Variants in HEATR5A observed in about 807,000 individuals in gnomAD.
HEATR5A encodes the protein HEAT repeat containing 5A.
A neutral mutation model predicts 218.8 loss-of-function variants in HEATR5A; 178 were observed. The ratio of observed to expected loss-of-function variants is 0.81; its 90% CI spans 0.72 to 0.92. The LOEUF (loss-of-function observed/expected upper bound fraction) is 0.92, where lower values mean the gene tolerates loss of function less well. Among genes scored for constraint, HEATR5A ranks in the 40% least tolerant of loss-of-function variants. The probability of loss-of-function intolerance (pLI) is 0.00; values close to 1 mark genes in which losing one functional copy is unlikely to be tolerated. For missense variants in HEATR5A, 2,420 were observed against 2,418.9 expected, an observed-to-expected ratio of 1.00 and a Z score of -0.01; for synonymous variants, 864 against 871.6, an observed-to-expected ratio of 0.99 and a Z score of 0.15.
intron 4 of HEATR5A, 28 bp from the exon 5 acceptor site, chr14:31,395,376 G>A: frequency 7.6e-7 from 1 of 1,308,246 alleles, no homozygotes. Flanking sequence ...AATTAAATAG[G>A]AAAAATAATT....
At position 31,294,015 on chromosome 14, in the gene HEATR5A, G is replaced by A; in HGVS notation, c.5709C>T (p.Ser1903=). 6.2e-7 allele frequency: 1 copy of A among 1,604,436 alleles called. No homozygotes were observed. Among genetic ancestry groups the A allele is most frequent in the South Asian group, 1.1e-5 (1 of 89,054 alleles). The change falls in exon 35 of 36, where the codon TCC becomes TCT. Residue 1903 remains serine (S), a synonymous_variant. Transcript: ENST00000543095. ...TTTCCTGCAGTTTTTCCATGATACA[G>A]GATGCTAAAGAGTAAATGTATGGGT... ...VSYPYIYSLA[S]CIMEKLQEID...
At chr14:31,412,411 G>C (rs2139325097) in intron 1 of HEATR5A, among the ~76,000 whole-genome samples, 1 of 151,418 alleles carries the variant, frequency 6.6e-6, no homozygotes, top group South Asian at 2.1e-4. Flanking sequence ...TGGCCAACAT[G>C]GTGAAACCCC....
rs757307999 is a variant in HEATR5A, at chr14:31,389,020, A to G, written c.773-15T>C. 2 of 1,585,358 alleles carry G rather than the reference A, an allele frequency of 1.3e-6. No individual in the cohort carries two copies. The highest frequency in any genetic ancestry group is 2.3e-5 in the East Asian group (1 of 44,208). Reference sequence around the variant, plus strand: ...ACGTGAGGCTGCTATGACAAAGAACAAAACTGTGATTCATATTTTACAGAC... The same window carrying G: ...ACGTGAGGCTGCTATGACAAAGAACGAAACTGTGATTCATATTTTACAGAC... On this transcript the variant is annotated splice_polypyrimidine_tract_variant and intron_variant, in intron 6 of 35. Coordinates refer to ENST00000543095, the MANE Select transcript of HEATR5A (RefSeq NM_015473.4).
At chr14:31,375,089 CCTTT>C (rs1351603032) in intron 11 of HEATR5A, 121 bp from the exon 12 acceptor site, 1 of 793,084 alleles carries the variant, frequency 1.3e-6, no homozygotes, top group South Asian at 2.0e-5. Context: ...CATTTTGTCC[CCTTT>C]CTTATCTTCA....
At chr14:31,407,604 A>ATT (rs1265606928) in intron 1 of HEATR5A, among the ~76,000 whole-genome samples, 3 of 1,424 alleles carry the variant, frequency 2.1e-3, no homozygotes, top group African/African-American at 3.3e-3. Context: ...ATATATATAT[A>ATT]TATATATATA....
At chr14:31,380,127 A>C (rs942459188) in intron 11 of HEATR5A, among the ~76,000 whole-genome samples, 1 of 152,198 alleles carries the variant, frequency 6.6e-6, no homozygotes, top group Non-Finnish European at 1.5e-5. Flanking sequence ...TCTTTTGCCT[A>C]TATTGTGGAA....
chr14:31,308,634 C>T (rs923388217), intron 29 of HEATR5A, among the ~76,000 whole-genome samples: 1 of 151,770 alleles, frequency 6.6e-6, no homozygotes, highest in African/African-American at 2.4e-5. Flanking sequence ...CATAACTTTA[C>T]TTTGGCTAAA....
At position 31,356,522 on chromosome 14, in the gene HEATR5A, C is replaced by T. The variant is rs1901432756; in HGVS notation, c.2411+2115G>A. 2.6e-5 allele frequency among the ~76,000 whole-genome samples: 4 copies of T among 152,326 alleles called. No individual in the cohort carries two copies. The South Asian group carries it at 8.3e-4, about 32-fold the overall frequency. ...AGTGCTTGGTTACAGGTGTAAACTA[C>T]TGTGCCTGGTCACCTACTATTTTTT... On this transcript the variant is annotated intron_variant, in intron 16 of 35. Transcript: ENST00000543095.
chr14:31,297,289 A>AAAAACAAAAC (rs200829859), intron 33 of HEATR5A: 6 of 152,344 alleles, frequency 3.9e-5, no homozygotes, highest in South Asian at 2.1e-4. Flanking sequence ...CCGTCTCAAT[A>AAAAACAAAAC]AAAACAAAAC....
chr14:31,417,114 C>G (rs761275667), intron 1 of HEATR5A, among the ~76,000 whole-genome samples: 1 of 152,018 alleles, frequency 6.6e-6, no homozygotes, highest in African/African-American at 2.4e-5. Flanking sequence ...AGTAAAGGTA[C>G]CTTACTGCTG....
At chr14:31,310,203 C>CT (rs112835073) in intron 28 of HEATR5A, among the ~76,000 whole-genome samples, 7,624 of 151,672 alleles carry the variant, frequency 0.05, 533 homozygotes, top group African/African-American at 0.16. Flanking sequence ...TGTATGTATC[C>CT]TTTTTTTTCT....
Position 31,349,969 on chromosome 14 carries a change from C to A in HEATR5A, c.2528G>T (p.Gly843Val). ...SVSSFLKYVA[G>V]SKGCLGPEEM... ...TTCTGGACCTAAACATCCCTTGGAGCCAGCCACGTACTGAAATATGTAAAG... is the reference window on the plus strand; with the variant it reads ...TTCTGGACCTAAACATCCCTTGGAGACAGCCACGTACTGAAATATGTAAAG... Residue 843 changes from glycine (G) to valine (V), a missense_variant, in exon 18 of 36, where the codon GGC (glycine) becomes GTC (valine). Coordinates refer to ENST00000543095, the MANE Select transcript of HEATR5A (RefSeq NM_015473.4). 1 of 1,575,654 alleles carries A rather than the reference C, an allele frequency of 6.3e-7. No homozygotes were observed.
chr14:31,298,264 C>CT (rs34076980), intron 33 of HEATR5A, among the ~76,000 whole-genome samples: 49,866 of 151,962 alleles, frequency 0.33, 9,418 homozygotes, highest in South Asian at 0.42. Flanking sequence ...TTTTAAGCCA[C>CT]TAAGTTTTGA....
At chr14:31,310,414 C>T (rs938049056) in intron 28 of HEATR5A, among the ~76,000 whole-genome samples, 30 of 152,222 alleles carry the variant, frequency 2.0e-4, no homozygotes, top group Non-Finnish European at 3.8e-4. Flanking sequence ...CTGAGGCAGG[C>T]AGATCACCTG....
chr14:31,405,955 T>G (rs2031045727), intron 1 of HEATR5A, among the ~76,000 whole-genome samples: 1 of 152,210 alleles, frequency 6.6e-6, no homozygotes, highest in African/African-American at 2.4e-5. Context: ...ATTCCTTATG[T>G]AAATTACTCC....
At chr14:31,406,977 C>CAA (rs58202101) in intron 1 of HEATR5A, among the ~76,000 whole-genome samples, 2,243 of 74,604 alleles carry the variant, frequency 0.03, 239 homozygotes, top group Admixed American at 0.12. Flanking sequence ...ACCTCTGTCT[C>CAA]AAAAAAAAAA....
At chr14:31,314,347 G>C (rs1899850117) in intron 27 of HEATR5A, among the ~76,000 whole-genome samples, 1 of 151,878 alleles carries the variant, frequency 6.6e-6, no homozygotes, top group African/African-American at 2.4e-5. Flanking sequence ...CTGCCTCCCG[G>C]GTTCAAGCAA....
In HEATR5A at chr14:31,343,966, G is replaced by A. The variant is rs1455601906; in HGVS notation, c.3158C>T (p.Ser1053Phe). The A allele has an allele frequency of 1.2e-6, 2 of 1,611,942 alleles. No homozygotes were observed. The highest frequency in any genetic ancestry group is 1.1e-5 in the South Asian group (1 of 90,812). Reference sequence around the variant, plus strand: ...AAACATATGAAGCTGCTGAAGGCAAGAGATGGCCTGAGCTTGAACAAGGCA... The same window carrying A: ...AAACATATGAAGCTGCTGAAGGCAAAAGATGGCCTGAGCTTGAACAAGGCA... ...PDCLVQAQAISCLQQLHMFAP... is the reference protein window; with the variant it reads ...PDCLVQAQAIFCLQQLHMFAP... The change falls in exon 21 of 36, where the codon TCT becomes TTT. Residue 1053 changes from serine (S) to phenylalanine (F), a missense_variant. Transcript: ENST00000543095.
intron 22 of HEATR5A, among the ~76,000 whole-genome samples, chr14:31,330,183 C>G (rs566151351): frequency 4.6e-5 from 7 of 152,342 alleles, no homozygotes; most frequent in Non-Finnish European, 1.0e-4. Context: ...CATGCATCCT[C>G]AGAAATCTAG....
Sources: gnomAD v4.1 joint callset for allele counts (sites outside exome capture counted in the v4.1 genomes callset) on GRCh38, gnomAD v4.1.1 for gene constraint, MANE v1.5 for transcripts, NCBI Gene and HGNC (gene_info 2026-07-23, HGNC 2026-07-21) for gene names.